ADAMTS16: variants seen among roughly 807,000 people sequenced by gnomAD.
The protein encoded by ADAMTS16 is A disintegrin and metalloproteinase with thrombospondin motifs 16.
A neutral mutation model predicts 145.8 loss-of-function variants in ADAMTS16; 94 were observed. The observed-to-expected ratio is 0.64, with a 90% confidence interval of 0.55 to 0.77. The LOEUF (loss-of-function observed/expected upper bound fraction) is 0.77. ADAMTS16 is among the 30% of genes least tolerant of loss of function. ADAMTS16 has a pLI of 0.00. For synonymous variants in ADAMTS16, 659 were observed against 604.3 expected (o/e 1.09, Z -1.33); for missense variants, 1,585 against 1,591.5 (o/e 1.00, Z 0.07).
chr5:5,143,911 G>A (rs1346640849), intron 2 of ADAMTS16, among the ~76,000 whole-genome samples: 1 of 152,100 alleles, frequency 6.6e-6, no homozygotes, highest in Non-Finnish European at 1.5e-5. Flanking sequence ...GTTCTCACTC[G>A]TAAGTGGGAG....
At chr5:5,217,151 T>G (rs1736461188) in intron 10 of ADAMTS16, among the ~76,000 whole-genome samples, 1 of 151,964 alleles carries the variant, frequency 6.6e-6, no homozygotes, top group South Asian at 2.1e-4. Flanking sequence ...TAGCCATATG[T>G]AGAAAGCTGA....
At chr5:5,228,717 C>T (rs889295064) in intron 11 of ADAMTS16, among the ~76,000 whole-genome samples, 2 of 152,150 alleles carry the variant, frequency 1.3e-5, no homozygotes, top group Non-Finnish European at 2.9e-5. Context: ...CTTTTCTCCC[C>T]ATCTAATTAG....
chr5:5,294,224 C>A (rs549095023), intron 18 of ADAMTS16, among the ~76,000 whole-genome samples: 2 of 152,168 alleles, frequency 1.3e-5, no homozygotes, highest in African/African-American at 2.4e-5. Flanking sequence ...CAATTATATG[C>A]GGATGTGCCT....
At chr5:5,273,016 A>G (rs1004596672) in intron 18 of ADAMTS16, among the ~76,000 whole-genome samples, 1 of 152,154 alleles carries the variant, frequency 6.6e-6, no homozygotes, top group Non-Finnish European at 1.5e-5. Flanking sequence ...CAGAGTCATT[A>G]GAGCTTTGTT....
chr5:5,237,259 C>A (rs557451859), intron 14 of ADAMTS16, among the ~76,000 whole-genome samples, 160 bp downstream of exon 14: 1 of 152,302 alleles, frequency 6.6e-6, no homozygotes, highest in Non-Finnish European at 1.5e-5. Context: ...TGATGACATG[C>A]TGCTTTGCTG....
chr5:5,281,065 A>C (rs1738886982), intron 18 of ADAMTS16, among the ~76,000 whole-genome samples: 1 of 152,262 alleles, frequency 6.6e-6, no homozygotes, highest in Non-Finnish European at 1.5e-5. Flanking sequence ...AGTTCTTTAA[A>C]AAGAGAAGCA....
chr5:5,146,500 G>C, intron 3 of ADAMTS16, 45 bp downstream of exon 3: 1 of 1,544,092 alleles, frequency 6.5e-7, no homozygotes, highest in Non-Finnish European at 8.7e-7. Flanking sequence ...GGTTGGTGAT[G>C]GTGGAAAGGA....
intron 2 of ADAMTS16, among the ~76,000 whole-genome samples, chr5:5,144,280 T>C (rs1377064658): frequency 6.6e-6 from 1 of 152,248 alleles, no homozygotes; most frequent in Non-Finnish European, 1.5e-5. Flanking sequence ...ATTTACTTAT[T>C]GCCCTGTGTT....
chr5:5,187,857 A>AT, intron 6 of ADAMTS16, 49 bp downstream of exon 6: 1 of 1,218,560 alleles, frequency 8.2e-7, no homozygotes. Context: ...AGAAAAATAA[A>AT]TGCAAAATAA....
At chr5:5,168,737 T>C (rs1734965857) in intron 3 of ADAMTS16, among the ~76,000 whole-genome samples, 1 of 139,278 alleles carries the variant, frequency 7.2e-6, no homozygotes, top group Admixed American at 7.6e-5. Flanking sequence ...TATATAATTA[T>C]ATAAAATATA....
chr5:5,154,983 AG>A (rs1734565126), intron 3 of ADAMTS16, among the ~76,000 whole-genome samples: 1 of 152,062 alleles, frequency 6.6e-6, no homozygotes, highest in African/African-American at 2.4e-5. Context: ...CTACTTTTAA[AG>A]AGAGTGCTTG....
chr5:5,280,729 A>G (rs375071539), intron 18 of ADAMTS16, among the ~76,000 whole-genome samples: 1 of 152,256 alleles, frequency 6.6e-6, no homozygotes, highest in African/African-American at 2.4e-5. Flanking sequence ...GACATTCATT[A>G]TAACAATTAG....
At chr5:5,213,119 A>T (rs1736323019) in intron 10 of ADAMTS16, among the ~76,000 whole-genome samples, 2 of 152,338 alleles carry the variant, frequency 1.3e-5, no homozygotes, top group Middle Eastern at 6.8e-3. Flanking sequence ...TTTCTCTGCA[A>T]ATTAAATGCA....
At chr5:5,168,736 A>G (rs1734965781) in intron 3 of ADAMTS16, among the ~76,000 whole-genome samples, 1 of 138,966 alleles carries the variant, frequency 7.2e-6, no homozygotes, top group South Asian at 2.1e-4. Context: ...TTATATAATT[A>G]TATAAAATAT....
chr5:5,299,731 T>C (rs967816476), intron 18 of ADAMTS16, among the ~76,000 whole-genome samples: 16 of 150,918 alleles, frequency 1.1e-4, no homozygotes, highest in Non-Finnish European at 1.5e-4. Context: ...TGAGGGCCAG[T>C]GGGGACTGCG....
At chr5:5,248,247 G>T (rs1230069160) in intron 17 of ADAMTS16, among the ~76,000 whole-genome samples, 3 of 152,096 alleles carry the variant, frequency 2.0e-5, no homozygotes, top group African/African-American at 7.2e-5. Context: ...GCAATTTTTT[G>T]ATGAAATCAT....
intron 5 of ADAMTS16, among the ~76,000 whole-genome samples, chr5:5,186,583 T>C (rs1475192565): frequency 6.6e-6 from 1 of 152,184 alleles, no homozygotes; most frequent in African/African-American, 2.4e-5. Flanking sequence ...GTGCAGTAAA[T>C]CTGATTATCA....
chr5:5,142,601 T>A (rs1412653585), intron 2 of ADAMTS16, among the ~76,000 whole-genome samples: 1 of 152,224 alleles, frequency 6.6e-6, no homozygotes, highest in Non-Finnish European at 1.5e-5. Context: ...ACTTGGTGAC[T>A]GCTGGGGTCA....
At chr5:5,233,133 C>A (rs1736990383) in intron 12 of ADAMTS16, among the ~76,000 whole-genome samples, 1 of 151,988 alleles carries the variant, frequency 6.6e-6, no homozygotes, top group South Asian at 2.1e-4. Context: ...ATAAATAAAT[C>A]ATAAGAAAAG....
Sources: allele counts gnomAD v4.1 joint callset (sites outside exome capture counted in the v4.1 genomes callset), GRCh38; gene constraint gnomAD v4.1.1; transcripts MANE v1.5; gene names NCBI Gene and HGNC (gene_info 2026-07-23, HGNC 2026-07-21).